Variants in ITGB3 observed in about 807,000 individuals in gnomAD.
ITGB3 encodes the protein integrin subunit beta 3.
ITGB3 carries 48 observed loss-of-function variants against 85.8 expected under a neutral mutation model. The ratio of observed to expected loss-of-function variants is 0.56; its 90% CI spans 0.44 to 0.71. The LOEUF (loss-of-function observed/expected upper bound fraction) is 0.71, where lower values mean the gene tolerates loss of function less well. Among genes scored for constraint, ITGB3 ranks in the 30% least tolerant of loss-of-function variants. The pLI is 0.00. For missense variants in ITGB3, 861 were observed against 1,019.1 expected (o/e 0.84, Z 2.11); for synonymous variants, 363 against 395.6 (o/e 0.92, Z 0.98).
At chr17:47,262,806 G>A (rs2065013029) in intron 1 of ITGB3, among the ~76,000 whole-genome samples, 1 of 152,176 alleles carries the variant, frequency 6.6e-6, no homozygotes, top group Non-Finnish European at 1.5e-5. Context: ...GATTCCTGGT[G>A]TAGGAAGTGA....
chr17:47,287,284 C>G, intron 6 of ITGB3, 53 bp downstream of exon 6: 3 of 1,594,504 alleles, frequency 1.9e-6, no homozygotes, highest in Non-Finnish European at 2.6e-6. Flanking sequence ...GAGGGTTGCC[C>G]TAATCTAGGC....
intron 1 of ITGB3, among the ~76,000 whole-genome samples, chr17:47,271,110 T>A (rs1302168417): frequency 1.3e-5 from 2 of 152,118 alleles, no homozygotes; most frequent in African/African-American, 4.8e-5. Flanking sequence ...TGGGTGGCAG[T>A]GTTGTTAAGG....
Position 47,300,523 on chromosome 17 carries a change from C to T in ITGB3, c.1959C>T (p.Asp653=), listed in dbSNP as rs112717328. The change falls in exon 12 of 15, where the codon GAC becomes GAT. Residue 653 remains aspartate (D), a synonymous_variant. Transcript: ENST00000559488. The part of the protein sequence containing the change: ...CKKFDRGALH[D]ENTCNRYCRD... ...AGTTTGACCGGGGAGCCCTACATGA[C>T]GAAAATACCTGCAACCGTTACTGCC... The T allele has an allele frequency of 3.0e-4, 482 of 1,614,062 alleles. 6 individuals are homozygous for T. The African/African-American group carries it at 4.4e-3, about 15-fold the overall frequency.
chr17:47,293,263 T>C (rs1951254872), intron 10 of ITGB3, among the ~76,000 whole-genome samples: 1 of 152,182 alleles, frequency 6.6e-6, no homozygotes, highest in African/African-American at 2.4e-5. Flanking sequence ...TCCTTCTCAT[T>C]GCAAAATTCA....
Position 47,292,295 on chromosome 17 carries a change from C to T in ITGB3, c.1417C>T (p.Arg473Cys), listed in dbSNP as rs200388813. The T allele has an allele frequency of 1.2e-5, 20 of 1,614,208 alleles. No individual in the cohort carries two copies. The highest frequency in any genetic ancestry group is 9.9e-5 in the South Asian group (9 of 91,086). The change falls in exon 10 of 15, where the codon CGC becomes TGC. Residue 473 changes from arginine to cysteine, a missense_variant. Arg to Cys is a radical substitution (Grantham distance 180). Transcript: ENST00000559488. ...GGCCCAAGCTGAACCTAATAGCCAT[C>T]GCTGCAACAATGGCAATGGGACCTT... ...CQAQAEPNSHRCNNGNGTFEC... is the reference protein window; with the variant it reads ...CQAQAEPNSHCCNNGNGTFEC...
intron 10 of ITGB3, among the ~76,000 whole-genome samples, chr17:47,296,501 T>G (rs1213808257): frequency 6.6e-6 from 1 of 152,200 alleles, no homozygotes; most frequent in East Asian, 1.9e-4. Context: ...CCCAGAGTGT[T>G]GAGGTTACAG....
intron 13 of ITGB3, among the ~76,000 whole-genome samples, chr17:47,304,388 T>C (rs2065179151): frequency 6.6e-6 from 1 of 152,214 alleles, no homozygotes; most frequent in Non-Finnish European, 1.5e-5. Flanking sequence ...TATAGGGCAG[T>C]AAAGACAACA....
At chr17:47,254,684 T>A (rs1192677195) in intron 1 of ITGB3, among the ~76,000 whole-genome samples, 6 of 152,168 alleles carry the variant, frequency 3.9e-5, no homozygotes, top group African/African-American at 1.4e-4. Flanking sequence ...TGTCTCTGGC[T>A]GCTGCGCACA....
intron 1 of ITGB3, chr17:47,259,425 T>A (rs1302106579): frequency 6.6e-6 from 1 of 152,012 alleles, no homozygotes; most frequent in East Asian, 1.9e-4. Context: ...ACACTAGATG[T>A]CTTATTTCTG....
In ITGB3 at chr17:47,311,215, C is replaced by CACA. The variant is rs1361253919; in HGVS notation, c.*1011_*1012insACA. On this transcript the variant is annotated 3_prime_UTR_variant, in exon 15 of 15. Transcript: ENST00000559488. The stretch of plus-strand genomic sequence containing the variant: ...ATCCATAGCACCTCCACATACCTGG[C>CACA]CCTGTGCCTTGGTGTGCTGTATCCA... 5.8e-5 allele frequency: 9 copies of CACA among 155,216 alleles called. No homozygotes were observed. The highest frequency in any genetic ancestry group is 2.2e-4 in the African/African-American group (9 of 41,512). 9.6% of individuals were successfully genotyped at this position (155,216 alleles called of 1,614,324 possible).
intron 1 of ITGB3, among the ~76,000 whole-genome samples, chr17:47,267,471 G>A (rs1296129764): frequency 6.6e-6 from 1 of 152,214 alleles, no homozygotes; most frequent in African/African-American, 2.4e-5. Context: ...CATGGGCTCA[G>A]TGCAGAGACT....
At chr17:47,296,383 G>A (rs1274087197) in intron 10 of ITGB3, among the ~76,000 whole-genome samples, 1 of 152,104 alleles carries the variant, frequency 6.6e-6, no homozygotes, top group Non-Finnish European at 1.5e-5. Flanking sequence ...ACAGGCTCTT[G>A]CCATCATGCC....
intron 14 of ITGB3, among the ~76,000 whole-genome samples, chr17:47,308,836 T>C (rs1364362138): frequency 1.3e-5 from 2 of 152,166 alleles, no homozygotes; most frequent in Non-Finnish European, 2.9e-5. Context: ...ATAGGATTTG[T>C]TACTTTCTGT....
intron 1 of ITGB3, among the ~76,000 whole-genome samples, chr17:47,264,072 A>G (rs556725789): frequency 6.6e-6 from 1 of 152,338 alleles, no homozygotes; most frequent in East Asian, 1.9e-4. Flanking sequence ...CAAATGAACA[A>G]TTCCAACTTG....
chr17:47,288,002 A>G (rs1422882620), intron 6 of ITGB3, among the ~76,000 whole-genome samples: 2 of 135,488 alleles, frequency 1.5e-5, no homozygotes, highest in Non-Finnish European at 3.2e-5. Context: ...TTGGCTCACA[A>G]GCTTCACCAC....
At chr17:47,297,945 T>G (rs1232062340) in intron 10 of ITGB3, among the ~76,000 whole-genome samples, 1 of 151,188 alleles carries the variant, frequency 6.6e-6, no homozygotes, top group East Asian at 1.9e-4. Flanking sequence ...TTGACACATA[T>G]TAAATGCCTC....
chr17:47,302,952 A>T, intron 13 of ITGB3, 112 bp downstream of exon 13: 1 of 1,295,346 alleles, frequency 7.7e-7, no homozygotes, highest in Admixed American at 1.9e-5. Flanking sequence ...TAAGCCTGCA[A>T]GTGATAAGTT....
At chr17:47,254,775 G>GGGTT (rs1297992796) in intron 1 of ITGB3, among the ~76,000 whole-genome samples, 3 of 152,232 alleles carry the variant, frequency 2.0e-5, no homozygotes, top group Non-Finnish European at 4.4e-5. Context: ...GCACAGCCCG[G>GGGTT]GGTTGCTGCC....
In ITGB3 at chr17:47,274,500, A is replaced by T. The variant is rs1430769323; in HGVS notation, c.161A>T (p.Asp54Val). Residue 54 changes from aspartate to valine, a missense_variant, in exon 2 of 15, where the codon GAT becomes GTT. Coordinates refer to ENST00000559488, the MANE Select transcript of ITGB3 (RefSeq NM_000212.3). ...AVSPMCAWCS[D>V]EALPLGSPRC... ...AGCCCCATGTGTGCCTGGTGCTCTGATGAGGTAAGGAGCAGATACCAGACC... is the reference window on the plus strand; with the variant it reads ...AGCCCCATGTGTGCCTGGTGCTCTGTTGAGGTAAGGAGCAGATACCAGACC... The T allele has an allele frequency of 6.2e-7, 1 of 1,613,526 alleles. No individual in the cohort carries two copies. The highest frequency in any genetic ancestry group is 8.5e-7 in the Non-Finnish European group (1 of 1,179,646).
Sources: gnomAD v4.1 joint callset for allele counts (sites outside exome capture counted in the v4.1 genomes callset) on GRCh38, gnomAD v4.1.1 for gene constraint, MANE v1.5 for transcripts, NCBI Gene and HGNC (gene_info 2026-07-23, HGNC 2026-07-21) for gene names.